The following PLCH2 variants were observed in gnomAD, a reference collection of about 807,000 sequenced individuals.
The protein encoded by PLCH2 is phospholipase C eta 2.
A neutral mutation model predicts 134.7 loss-of-function variants in PLCH2; 98 were observed. The ratio of observed to expected loss-of-function variants is 0.73; its 90% confidence interval spans 0.62 to 0.86. The LOEUF (loss-of-function observed/expected upper bound fraction) is 0.86. Among genes scored for constraint, PLCH2 ranks in the 40% least tolerant of loss-of-function variants. The pLI, the probability that PLCH2 is intolerant of heterozygous loss-of-function variation, is 0.00. For missense variants in PLCH2, 1,994 were observed against 1,986.6 expected, an observed-to-expected ratio of 1.00 and a Z score of -0.07; for synonymous variants, 974 against 827.5, an observed-to-expected ratio of 1.18 and a Z score of -3.04.
Position 2,439,123 on chromosome 1 carries a change from T to C in PLCH2, c.115+8494T>C, listed in dbSNP as rs957079225. On this transcript the variant is annotated intron_variant, in intron 2 of 3. Coordinates refer to the PLCH2 transcript ENST00000609981. The surrounding 1 kb of genome is among the most constrained non-coding windows in gnomAD (Gnocchi z 4.7). ...GAAACTGTTTCAAGGCAGGATACCA[T>C]GTCTCTGGGGACCCTGGGCAGGTGC... 6.6e-6 allele frequency among the ~76,000 whole-genome samples: 1 copy of C among 152,240 alleles called. No homozygotes were observed. The highest frequency in any genetic ancestry group is 2.4e-5 in the African/African-American group (1 of 41,464).
At chr1:2,469,368 G>A (rs541571294) in intron 1 of PLCH2, among the ~76,000 whole-genome samples, 22 of 152,334 alleles carry the variant, frequency 1.4e-4, no homozygotes, top group Middle Eastern at 3.4e-3. Flanking sequence ...CCGTGCCTGC[G>A]TCCTCTGGGC....
chr1:2,447,823 C>T (rs953010165), intron 2 of PLCH2, among the ~76,000 whole-genome samples: 2 of 152,186 alleles, frequency 1.3e-5, no homozygotes, highest in Admixed American at 6.5e-5. Flanking sequence ...ACCAGCCGAC[C>T]GGGAACCGGG....
Position 2,504,214 on chromosome 1 carries a change from C to A in PLCH2, c.3252C>A (p.Thr1084=), listed in dbSNP as rs1050996560. 1.9e-6 allele frequency: 3 copies of A among 1,561,328 alleles called. No homozygotes were observed. Among genetic ancestry groups the A allele is most frequent in the South Asian group, 1.2e-5 (1 of 85,686 alleles). ...SQTDGRSQPR[T]LGHLPVIRRV... is the part of the protein sequence containing the mutation. ...CGGACGGCAGGAGCCAGCCCCGGAC[C>A]CTGGGCCACCTGCCCGTGATTAGAA... The change falls in exon 22 of 22, where the codon ACC becomes ACA. Residue 1084 remains threonine (T), a synonymous_variant. Transcript: ENST00000378486.
chr1:2,420,754 G>C, the PLCH2 span, among the ~76,000 whole-genome samples: 1 of 152,202 alleles, frequency 6.6e-6, no homozygotes, highest in Admixed American at 6.5e-5. Flanking sequence ...CTCCTCTCTC[G>C]ATTGGAGGGT....
At chr1:2,493,279 G>C (rs1642695420) in intron 11 of PLCH2, 1 of 152,378 alleles carries the variant, frequency 6.6e-6, no homozygotes, top group Non-Finnish European at 1.5e-5. Flanking sequence ...AGTCGCTCGT[G>C]GCTCTGGGTC....
At chr1:2,477,186 G>A (rs186521483) in intron 1 of PLCH2, among the ~76,000 whole-genome samples, 21 of 152,098 alleles carry the variant, frequency 1.4e-4, no homozygotes, top group Admixed American at 4.6e-4. Flanking sequence ...GCCCCGGTCC[G>A]GGCTGGCCTG....
At position 2,505,037 on chromosome 1, in the gene PLCH2, C is replaced by T. The variant is rs562245469; in HGVS notation, c.4075C>T (p.Arg1359Trp). 45 of 1,543,736 alleles carry T rather than the reference C, an allele frequency of 2.9e-5. No homozygotes were observed. The highest frequency in any genetic ancestry group is 8.2e-5 in the African/African-American group (6 of 73,322). Residue 1359 changes from arginine (R) to tryptophan (W), a missense_variant, in exon 22 of 22, where the codon CGG (arginine) becomes TGG (tryptophan). Arg to Trp is a moderately radical substitution (Grantham distance 101). Transcript: ENST00000378486. ...IASRARQAQE[R>W]QQRLQGLGRQ... ...CAGCCGGGCCCGCCAGGCCCAGGAG[C>T]GGCAGCAGAGACTGCAGGGCCTGGG...
chr1:2,447,195 T>C (rs1639981935), intron 2 of PLCH2, among the ~76,000 whole-genome samples: 1 of 152,190 alleles, frequency 6.6e-6, no homozygotes, highest in African/African-American at 2.4e-5. Flanking sequence ...CCAGGCTTGA[T>C]GGCAGAAACG....
chr1:2,497,057 C>T (rs1349536432), intron 15 of PLCH2, 47 bp downstream of exon 15: 4 of 1,569,254 alleles, frequency 2.5e-6, no homozygotes, highest in Middle Eastern at 1.7e-4. Flanking sequence ...GGGCTCGGCT[C>T]AGACGGTCCC....
At chr1:2,487,411 G>T (rs970923634) in intron 7 of PLCH2, 35 bp downstream of exon 7, 16 of 1,581,136 alleles carry the variant, frequency 1.0e-5, no homozygotes, top group Non-Finnish European at 1.4e-5. Context: ...GCCGTGGGCT[G>T]GCATCTGCTG....
At chr1:2,425,207 G>A (rs1638726877), upstream of PLCH2, among the ~76,000 whole-genome samples, 1 of 151,080 alleles carries the variant, frequency 6.6e-6, no homozygotes, top group Non-Finnish European at 1.5e-5. Flanking sequence ...TCGTTGCTTG[G>A]GCGCATGCAC....
chr1:2,443,353 T>A (rs12032473), intron 2 of PLCH2, among the ~76,000 whole-genome samples: 18,298 of 152,084 alleles, frequency 0.12, 1,332 homozygotes, highest in East Asian at 0.24. Context: ...CGCCAGGGTG[T>A]TGGGAGTGGG....
intron 1 of PLCH2, among the ~76,000 whole-genome samples, chr1:2,468,501 G>A (rs1200379689): frequency 4.1e-5 from 4 of 98,184 alleles, no homozygotes; most frequent in South Asian, 3.0e-4. Context: ...CAAACACAGC[G>A]CTAGCTCTGG....
intron 2 of PLCH2, among the ~76,000 whole-genome samples, chr1:2,440,950 C>T (rs2100525427): frequency 6.6e-6 from 1 of 152,334 alleles, no homozygotes; most frequent in Admixed American, 6.5e-5. Flanking sequence ...CTGAGCTCCA[C>T]AACTGCCAAG....
chr1:2,462,875 G>T (rs1640889554), upstream of PLCH2, among the ~76,000 whole-genome samples: 1 of 152,188 alleles, frequency 6.6e-6, no homozygotes, highest in South Asian at 2.1e-4. Context: ...TGGTGGGGGT[G>T]GATCTGGCCC....
intron 2 of PLCH2, among the ~76,000 whole-genome samples, chr1:2,447,263 G>T (rs1009605297): frequency 6.6e-6 from 1 of 152,184 alleles, no homozygotes; most frequent in African/African-American, 2.4e-5. Flanking sequence ...CCAAGTCTGT[G>T]GGGGGAGGCC....
intron 4 of PLCH2, among the ~76,000 whole-genome samples, chr1:2,483,287 C>G (rs999009496): frequency 2.0e-5 from 3 of 152,184 alleles, no homozygotes; most frequent in African/African-American, 4.8e-5. Flanking sequence ...CAAGGCATAT[C>G]TGATCAGCCC....
chr1:2,494,645 T>A (rs978795115), intron 11 of PLCH2, among the ~76,000 whole-genome samples: 4 of 152,206 alleles, frequency 2.6e-5, no homozygotes, highest in African/African-American at 9.7e-5. Flanking sequence ...CCTCGGCAGC[T>A]GCCTCTGCCC....
At chr1:2,491,382 A>C (rs759000177) in intron 11 of PLCH2, 47 bp downstream of exon 11, 13 of 1,589,836 alleles carry the variant, frequency 8.2e-6, no homozygotes, top group Non-Finnish European at 1.1e-5. Flanking sequence ...GGCCCCCCCG[A>C]CAGCCAGCCT....
Sources: gnomAD v4.1 joint callset for allele counts (sites outside exome capture counted in the v4.1 genomes callset) on GRCh38, gnomAD v4.1.1 for gene constraint, Gnocchi (gnomAD v3.1) non-coding constraint, MANE v1.5 for transcripts, NCBI Gene and HGNC (gene_info 2026-07-23, HGNC 2026-07-21) for gene names.